The following MMD2 variants were observed in gnomAD, a reference collection of about 807,000 sequenced individuals.
MMD2 encodes monocyte to macrophage differentiation associated 2, also known as monocyte to macrophage differentiation factor 2.
In MMD2, 30 loss-of-function variants were observed where a neutral mutation model predicts 33.5. The ratio of observed to expected loss-of-function variants is 0.90; its 90% CI spans 0.67 to 1.22. The LOEUF (loss-of-function observed/expected upper bound fraction) is 1.22, where lower values mean the gene tolerates loss of function less well. MMD2 is among the 50% of genes most tolerant of loss of function. The pLI is 0.00. For synonymous variants in MMD2, 129 were observed against 123.0 expected (o/e 1.05, Z -0.32); for missense variants, 364 against 325.4 (o/e 1.12, Z -0.91).
the MMD2 span, among the ~76,000 whole-genome samples, chr7:4,898,889 A>T: frequency 1.9e-3 from 289 of 151,976 alleles, 2 homozygotes; most frequent in African/African-American, 6.8e-3. Flanking sequence ...ACACAGTGAG[A>T]CTCTGTCTCA....
chr7:4,951,483 G>A (rs923494961), intron 1 of MMD2, among the ~76,000 whole-genome samples: 2 of 151,908 alleles, frequency 1.3e-5, no homozygotes, highest in African/African-American at 2.4e-5. Flanking sequence ...CCCTCACCCT[G>A]GAAAACTCCT....
At chr7:4,923,643 G>A (rs1289801912) in intron 2 of MMD2, among the ~76,000 whole-genome samples, 1 of 152,112 alleles carries the variant, frequency 6.6e-6, no homozygotes, top group East Asian at 1.9e-4. Context: ...GTAGACTTGT[G>A]TCGATGAGTT....
intron 1 of MMD2, among the ~76,000 whole-genome samples, chr7:4,934,517 G>A (rs1042732707): frequency 5.3e-5 from 8 of 152,242 alleles, no homozygotes; most frequent in Admixed American, 3.3e-4. Context: ...AAGAGCCGAC[G>A]TTTCCAGCAG....
the MMD2 span, among the ~76,000 whole-genome samples, chr7:4,900,492 T>C: frequency 1.3e-5 from 2 of 152,126 alleles, no homozygotes; most frequent in Admixed American, 6.6e-5. Context: ...CCCATCACCA[T>C]GGTGTAAACA....
chr7:4,909,536 A>G (rs780761237), intron 6 of MMD2, among the ~76,000 whole-genome samples: 1 of 151,808 alleles, frequency 6.6e-6, no homozygotes, highest in Non-Finnish European at 1.5e-5. Flanking sequence ...TCTGCATCCC[A>G]GGTTCAAGAC....
chr7:4,954,630 G>A (rs1262065553), intron 1 of MMD2, among the ~76,000 whole-genome samples: 2 of 152,044 alleles, frequency 1.3e-5, no homozygotes, highest in Non-Finnish European at 2.9e-5. Flanking sequence ...TGTTGCCCAA[G>A]CTGGTCTTGA....
intron 1 of MMD2, among the ~76,000 whole-genome samples, chr7:4,926,059 G>C (rs2115113690): frequency 6.6e-6 from 1 of 152,166 alleles, no homozygotes; most frequent in African/African-American, 2.4e-5. Flanking sequence ...GCCCGCCTCA[G>C]CCTTCCCAAG....
chr7:4,909,985 A>G (rs1303574302), intron 5 of MMD2, 35 bp from the exon 6 acceptor site: 1 of 1,613,844 alleles, frequency 6.2e-7, no homozygotes, highest in Non-Finnish European at 8.5e-7. Context: ...GCCTTAGGAC[A>G]TGCCTCCCCA....
At position 4,954,478 on chromosome 7, in the gene MMD2, C is replaced by G. The variant is rs575819473; in HGVS notation, c.47+4493G>C. 1.8e-4 allele frequency among the ~76,000 whole-genome samples: 28 copies of G among 151,904 alleles called. No individual in the cohort carries two copies. The South Asian group carries it at 5.6e-3, about 30-fold the overall frequency. On this transcript the variant is annotated intron_variant, in intron 1 of 6. Coordinates refer to ENST00000401401, the MANE Select transcript of MMD2 (RefSeq NM_198403.4). ...TGTCACCCAGGCTGGAGTGCAGGAG[C>G]TCAGTCTCAGCTCATTTGCAGCCTC...
rs1482634481 is a variant in MMD2 at position 4,946,588 on chromosome 7, A to G, written c.47+12383T>C. Among the ~76,000 whole-genome samples the G allele has an allele frequency of 6.6e-6, 1 of 152,114 alleles. No individual in the cohort carries two copies. The highest frequency in any genetic ancestry group is 1.5e-5 in the Non-Finnish European group (1 of 67,984). On this transcript the variant is annotated intron_variant, in intron 1 of 6. Transcript: ENST00000401401. The surrounding 1 kb of genome is among the most constrained non-coding windows in gnomAD (Gnocchi z 5.0). Reference sequence around the variant, plus strand: ...AGGTGAGAGGCTGCTGAGTAATAGGATGCTGAAAAGGACCTCAGTATCTCT... The same window carrying G: ...AGGTGAGAGGCTGCTGAGTAATAGGGTGCTGAAAAGGACCTCAGTATCTCT...
chr7:4,945,725 C>CCAA (rs918041148), intron 1 of MMD2, among the ~76,000 whole-genome samples: 9 of 152,124 alleles, frequency 5.9e-5, no homozygotes, highest in African/African-American at 9.7e-5. Flanking sequence ...CAGGTGTGCA[C>CCAA]CAACACACCT....
intron 1 of MMD2, among the ~76,000 whole-genome samples, chr7:4,956,717 G>A (rs1463268007): frequency 2.0e-5 from 3 of 152,114 alleles, no homozygotes; most frequent in African/African-American, 4.8e-5. Flanking sequence ...ACCCACTGGG[G>A]TCAAGAGAGG....
chr7:4,948,547 C>T (rs531481382), intron 1 of MMD2, among the ~76,000 whole-genome samples: 82 of 152,016 alleles, frequency 5.4e-4, no homozygotes, highest in African/African-American at 1.9e-3. Flanking sequence ...AAAAGAAATC[C>T]ACATGTTGAA....
At chr7:4,910,225 G>A (rs1430362205) in intron 5 of MMD2, among the ~76,000 whole-genome samples, 1 of 152,056 alleles carries the variant, frequency 6.6e-6, no homozygotes, top group Non-Finnish European at 1.5e-5. Flanking sequence ...ACAAACATTG[G>A]GCATAGCACA....
chr7:4,916,686 C>T (rs1240383363), intron 3 of MMD2, among the ~76,000 whole-genome samples: 1 of 152,026 alleles, frequency 6.6e-6, no homozygotes, highest in African/African-American at 2.4e-5. Flanking sequence ...CCTGGCCATC[C>T]TCCCCTACTT....
intron 3 of MMD2, among the ~76,000 whole-genome samples, 182 bp downstream of exon 3, chr7:4,919,989 T>G (rs373416946): frequency 3.9e-5 from 6 of 152,220 alleles, no homozygotes; most frequent in African/African-American, 1.2e-4. Flanking sequence ...GCAGCCTGTT[T>G]AAGGCAGGGC....
intron 1 of MMD2, among the ~76,000 whole-genome samples, chr7:4,938,026 T>C (rs1252468911): frequency 7.6e-6 from 1 of 131,728 alleles, no homozygotes; most frequent in Non-Finnish European, 1.6e-5. Flanking sequence ...TTTTTTTTTT[T>C]TTGAGATGGA....
At chr7:4,921,042 T>A (rs1185351948) in intron 2 of MMD2, among the ~76,000 whole-genome samples, 1 of 152,158 alleles carries the variant, frequency 6.6e-6, no homozygotes, top group East Asian at 1.9e-4. Context: ...AACAGCCATG[T>A]GGGGCCAGTG....
the MMD2 span, among the ~76,000 whole-genome samples, chr7:4,897,224 A>G: frequency 1.5e-5 from 2 of 135,648 alleles, no homozygotes; most frequent in Admixed American, 7.8e-5. Flanking sequence ...CAGGTGTTAT[A>G]TTTAAAAAAA....
Sources: allele counts gnomAD v4.1 joint callset (sites outside exome capture counted in the v4.1 genomes callset), GRCh38; gene constraint gnomAD v4.1.1; non-coding constraint Gnocchi (gnomAD v3.1); transcripts MANE v1.5; gene names NCBI Gene and HGNC (gene_info 2026-07-23, HGNC 2026-07-21).